DEPDC4: variants seen among roughly 807,000 people sequenced by gnomAD.
DEPDC4 encodes the protein DEP domain-containing protein 4.
A neutral mutation model predicts 52.0 loss-of-function variants in DEPDC4; 52 were observed. That is an observed-to-expected ratio of 1.00 (90% confidence interval 0.80 to 1.26). DEPDC4 has a LOEUF of 1.26. DEPDC4 is among the 50% of genes most tolerant of loss of function. DEPDC4 has a pLI of 0.00. For missense variants in DEPDC4, 530 were observed against 546.9 expected (o/e 0.97, Z 0.31); for synonymous variants, 201 against 196.8 (o/e 1.02, Z -0.18).
At chr12:100,253,748 T>C (rs1239908973) in intron 4 of DEPDC4, 33 bp from the exon 5 acceptor site, 1 of 1,148,768 alleles carries the variant, frequency 8.7e-7, no homozygotes, top group African/African-American at 1.6e-5. Flanking sequence ...AATAAAGCAA[T>C]GGTTAACATT....
At chr12:100,236,084 C>T (rs2096141008), downstream of DEPDC4, among the ~76,000 whole-genome samples, 1 of 152,142 alleles carries the variant, frequency 6.6e-6, no homozygotes, top group Non-Finnish European at 1.5e-5. Flanking sequence ...TGTTTATCCA[C>T]TTGTTGATTG....
chr12:100,268,372 TGAA>T (rs1448158452), upstream of DEPDC4, among the ~76,000 whole-genome samples: 29 of 152,168 alleles, frequency 1.9e-4, no homozygotes, highest in African/African-American at 7.0e-4. Flanking sequence ...GTCAGGTGCT[TGAA>T]GATTCCTTTT....
Position 100,240,443 on chromosome 12 carries a change from A to G in DEPDC4, c.*1449T>C, listed in dbSNP as rs2096153971. On this transcript the variant is annotated 3_prime_UTR_variant, in exon 10 of 10. Transcript: ENST00000550587. ...GGCCTCCCAAAAGTGCCGGGACTAC[A>G]GGCATGGGCCACCAAGGTTGGCCCA... Among the ~76,000 whole-genome samples the G allele has an allele frequency of 6.6e-6, 1 of 152,226 alleles. No individual in the cohort carries two copies. Among genetic ancestry groups the G allele is most frequent in the African/African-American group, 2.4e-5 (1 of 41,466 alleles).
intron 9 of DEPDC4, among the ~76,000 whole-genome samples, chr12:100,234,030 C>G (rs1372512552): frequency 6.6e-6 from 1 of 152,054 alleles, no homozygotes; most frequent in Non-Finnish European, 1.5e-5. Flanking sequence ...TCACTTGAAC[C>G]CAGGAGGTTG....
chr12:100,271,281 A>AAAAAAAAAAAAAAAAGAG (rs869276181), upstream of DEPDC4, among the ~76,000 whole-genome samples: 1 of 128,906 alleles, frequency 7.8e-6, no homozygotes, highest in African/African-American at 2.8e-5. Context: ...AAAAAAAAAA[A>AAAAAAAAAAAAAAAAGAG]AGAGAGAGAG....
At chr12:100,272,864 G>T in the DEPDC4 span, among the ~76,000 whole-genome samples, 1 of 152,092 alleles carries the variant, frequency 6.6e-6, no homozygotes, top group African/African-American at 2.4e-5. Flanking sequence ...ACACATAAAA[G>T]TATATAACGT....
At chr12:100,251,416 G>C (rs1397641596) in intron 7 of DEPDC4, among the ~76,000 whole-genome samples, 1 of 152,048 alleles carries the variant, frequency 6.6e-6, no homozygotes, top group Non-Finnish European at 1.5e-5. Context: ...TAATGCTACT[G>C]CTACTCCTAA....
the DEPDC4 span, among the ~76,000 whole-genome samples, chr12:100,278,912 G>A: frequency 6.6e-6 from 1 of 152,268 alleles, no homozygotes; most frequent in South Asian, 2.1e-4. Context: ...ACAGGCGTGA[G>A]CCACCGCGCC....
chr12:100,240,600 G>T lies in DEPDC4; in HGVS notation c.*1292C>A, dbSNP rs111673711. On this transcript the variant is annotated 3_prime_UTR_variant, in exon 10 of 10. Coordinates refer to ENST00000550587, the MANE Select transcript of DEPDC4 (RefSeq NM_001364818.2). ...AGAGAGAAGCAGGCAAGAAAAAAGT[G>T]AAAGAGCTGGAAAGAGAGAGAGAAA... 2.8e-3 allele frequency among the ~76,000 whole-genome samples: 425 copies of T among 151,944 alleles called. 1 individual carries two copies. Among genetic ancestry groups the T allele is most frequent in the Non-Finnish European group, 4.7e-3 (320 of 68,028 alleles).
chr12:100,266,787 T>C (rs2153927273), intron 1 of DEPDC4, 133 bp downstream of exon 1: 2 of 1,233,750 alleles, frequency 1.6e-6, no homozygotes, highest in Non-Finnish European at 2.2e-6. Flanking sequence ...CAGTGCCTGG[T>C]AGGGCAGGAA....
the DEPDC4 span, among the ~76,000 whole-genome samples, chr12:100,279,506 A>G: frequency 6.6e-6 from 1 of 152,176 alleles, no homozygotes; most frequent in Non-Finnish European, 1.5e-5. Flanking sequence ...CCTGCTGAAT[A>G]TTGTGAATGT....
At chr12:100,256,954 TA>T (rs1043399859) in intron 3 of DEPDC4, among the ~76,000 whole-genome samples, 1 of 152,070 alleles carries the variant, frequency 6.6e-6, no homozygotes, top group Non-Finnish European at 1.5e-5. Flanking sequence ...TCATTGTTTT[TA>T]AACTAAAATA....
chr12:100,274,210 T>G, the DEPDC4 span, among the ~76,000 whole-genome samples: 2 of 152,224 alleles, frequency 1.3e-5, no homozygotes, highest in African/African-American at 2.4e-5. Flanking sequence ...GGATACAAAC[T>G]ACCTGAGATC....
chr12:100,263,999 A>C (rs902248447), intron 1 of DEPDC4, 106 bp from the exon 2 acceptor site: 1 of 983,224 alleles, frequency 1.0e-6, no homozygotes, highest in African/African-American at 1.6e-5. Context: ...ATCTGCTGGT[A>C]ATGTCCTTCT....
Position 100,263,586 on chromosome 12 carries a change from A to C in DEPDC4, c.465T>G (p.Ile155Met). Residue 155 changes from isoleucine to methionine, a missense_variant, in exon 2 of 10, where the codon ATT becomes ATG. Physicochemically the swap from Ile to Met is conservative, Grantham distance 10 (BLOSUM62 1). Coordinates refer to ENST00000550587, the MANE Select transcript of DEPDC4 (RefSeq NM_001364818.2). ...EKELEFEDSN[I>M]SLYRFLGNKS... ...TATTGCCTAGAAACCTGTAGAGACT[A>C]ATGTTGGAATCTTCAAATTCTAATT... 2 of 1,613,938 alleles carry C rather than the reference A, an allele frequency of 1.2e-6. No homozygotes were observed. Among genetic ancestry groups the C allele is most frequent in the Non-Finnish European group, 1.7e-6 (2 of 1,179,906 alleles).
At chr12:100,274,589 C>G in the DEPDC4 span, among the ~76,000 whole-genome samples, 3 of 152,272 alleles carry the variant, frequency 2.0e-5, no homozygotes, top group Non-Finnish European at 4.4e-5. Context: ...GTGGCTTTCT[C>G]ATAGAATTAA....
At chr12:100,269,803 G>A (rs1048587128), upstream of DEPDC4, among the ~76,000 whole-genome samples, 1 of 152,020 alleles carries the variant, frequency 6.6e-6, no homozygotes, top group Non-Finnish European at 1.5e-5. Flanking sequence ...GCTTTCTCAG[G>A]ATACAGATAT....
chr12:100,263,142 A>G (rs913844231), intron 2 of DEPDC4, among the ~76,000 whole-genome samples: 2 of 152,184 alleles, frequency 1.3e-5, no homozygotes, highest in Non-Finnish European at 2.9e-5. Context: ...TTGTATTTTT[A>G]GTAGAAACGA....
chr12:100,274,708 G>GA, the DEPDC4 span, among the ~76,000 whole-genome samples: 1 of 152,142 alleles, frequency 6.6e-6, no homozygotes, highest in Admixed American at 6.5e-5. Context: ...AGTCAAGTGG[G>GA]AAAAAATTGT....
Sources: allele counts gnomAD v4.1 joint callset (sites outside exome capture counted in the v4.1 genomes callset), GRCh38; gene constraint gnomAD v4.1.1; transcripts MANE v1.5; gene names NCBI Gene and HGNC (gene_info 2026-07-23, HGNC 2026-07-21).